Variants in DLGAP5 observed in about 807,000 individuals in gnomAD.
The protein encoded by DLGAP5 is DLG associated protein 5, also known as disks large-associated protein 5.
In DLGAP5, 90 loss-of-function variants were observed where a neutral mutation model predicts 99.6. The ratio of observed to expected loss-of-function variants is 0.90; its 90% CI spans 0.76 to 1.08. The LOEUF (loss-of-function observed/expected upper bound fraction) is 1.08, where lower values mean the gene tolerates loss of function less well. Ranked by LOEUF, DLGAP5 falls within the 50% of genes least tolerant of loss-of-function variation. The probability of loss-of-function intolerance (pLI) is 0.00; values close to 1 mark genes in which losing one functional copy is unlikely to be tolerated. For synonymous variants in DLGAP5, 311 were observed against 321.3 expected (o/e 0.97, Z 0.34); for missense variants, 1,036 against 983.5 (o/e 1.05, Z -0.71).
intron 18 of DLGAP5, 72 bp downstream of exon 18, chr14:55,150,727 A>T (rs1881985665): frequency 8.5e-7 from 1 of 1,169,612 alleles, no homozygotes. Context: ...CTTGTACACA[A>T]ATAGAAAAGC....
intron 12 of DLGAP5, among the ~76,000 whole-genome samples, chr14:55,166,811 G>T (rs576306149): frequency 7.8e-4 from 117 of 150,740 alleles, no homozygotes; most frequent in African/African-American, 2.8e-3. Flanking sequence ...AAAAATGATT[G>T]AACTGTACAT....
chr14:55,178,785 G>A (rs867621060), intron 7 of DLGAP5, among the ~76,000 whole-genome samples: 2 of 152,142 alleles, frequency 1.3e-5, no homozygotes, highest in Non-Finnish European at 2.9e-5. Flanking sequence ...GGTGGCTCAC[G>A]CCTGTAATCC....
Position 55,158,406 on chromosome 14 carries a change from T to A in DLGAP5, c.1873+116A>T, listed in dbSNP as rs545178100. ...TTTCTAAAAATCACAGAAAAACTTATGTCTCTTCATGTAAAAAACTATTTT... is the reference window on the plus strand; with the variant it reads ...TTTCTAAAAATCACAGAAAAACTTAAGTCTCTTCATGTAAAAAACTATTTT... On this transcript the variant is annotated intron_variant, in intron 14 of 18. Transcript: ENST00000247191. 6.2e-5 allele frequency: 49 copies of A among 796,636 alleles called. No homozygotes were observed. The East Asian group carries it at 1.2e-3, about 19-fold the overall frequency. 49.3% of individuals were successfully genotyped at this position (796,636 alleles called of 1,614,324 possible). A position where few individuals can be genotyped will look rare whatever the true frequency, so the allele number is the denominator to read the frequency against.
intron 10 of DLGAP5, among the ~76,000 whole-genome samples, chr14:55,174,583 T>C (rs964525155): frequency 5.9e-5 from 9 of 152,102 alleles, no homozygotes; most frequent in Non-Finnish European, 8.8e-5. Context: ...AGCTTTAAAA[T>C]TTCTTTTTGT....
intron 9 of DLGAP5, 131 bp downstream of exon 9, chr14:55,175,763 A>G (rs1217067989): frequency 3.7e-6 from 3 of 818,700 alleles, no homozygotes; most frequent in Non-Finnish European, 5.4e-6. Context: ...TGATATGGTG[A>G]AAAAGAGCTC....
intron 14 of DLGAP5, 98 bp downstream of exon 14, chr14:55,158,424 A>T: frequency 1.0e-6 from 1 of 984,366 alleles, no homozygotes; most frequent in Non-Finnish European, 1.5e-6. Flanking sequence ...CATGTAAAAA[A>T]CTATTTTTCA....
At chr14:55,171,398 T>A (rs976315703) in intron 10 of DLGAP5, among the ~76,000 whole-genome samples, 2 of 152,166 alleles carry the variant, frequency 1.3e-5, no homozygotes, top group African/African-American at 2.4e-5. Context: ...ACAACAAGTA[T>A]ACAATCTAAA....
Position 55,169,435 on chromosome 14 carries a change from T to C in DLGAP5, c.1512A>G (p.Thr504=), listed in dbSNP as rs774858541. ...YKRGIKETTC[T]DLDGFWDMVS... ...CCATATCCCAAAATCCATCCAGATC[T>C]GTACAGGTAGTCTCCTTTATACCTC... The change falls in exon 12 of 19, where the codon ACA becomes ACG. Residue 504 remains threonine, a synonymous_variant. Transcript: ENST00000247191. 6.3e-7 allele frequency: 1 copy of C among 1,591,618 alleles called. No homozygotes were observed. The highest frequency in any genetic ancestry group is 1.2e-5 in the South Asian group (1 of 86,448).
intron 10 of DLGAP5, among the ~76,000 whole-genome samples, chr14:55,174,085 G>A (rs1469207943): frequency 6.6e-6 from 1 of 152,206 alleles, no homozygotes; most frequent in African/African-American, 2.4e-5. Context: ...AAAGCAAATG[G>A]GAGAAATATC....
chr14:55,177,427 A>C (rs1566505512), intron 7 of DLGAP5, 91 bp from the exon 8 acceptor site: 1 of 1,190,784 alleles, frequency 8.4e-7, no homozygotes, highest in Non-Finnish European at 1.2e-6. Context: ...ATGACAACAG[A>C]AATATATGTT....
intron 14 of DLGAP5, among the ~76,000 whole-genome samples, chr14:55,157,972 AG>A (rs1336231097): frequency 9.2e-5 from 14 of 152,192 alleles, no homozygotes. Flanking sequence ...TAAATTGCCC[AG>A]GCTGGTCTCA....
At chr14:55,156,461 T>C (rs1882220449) in intron 14 of DLGAP5, among the ~76,000 whole-genome samples, 1 of 152,220 alleles carries the variant, frequency 6.6e-6, no homozygotes, top group Non-Finnish European at 1.5e-5. Context: ...GCCAGAATGA[T>C]ACCTTCCAGG....
intron 12 of DLGAP5, among the ~76,000 whole-genome samples, chr14:55,165,569 C>T (rs887994042): frequency 2.0e-5 from 3 of 151,968 alleles, no homozygotes; most frequent in East Asian, 1.9e-4. Flanking sequence ...AATGAGATAC[C>T]TCATACCCAC....
intron 1 of DLGAP5, among the ~76,000 whole-genome samples, chr14:55,190,299 C>T (rs1029095769): frequency 1.3e-5 from 2 of 151,830 alleles, no homozygotes; most frequent in African/African-American, 4.8e-5. Flanking sequence ...TACACACACA[C>T]ACACACACAC....
At chr14:55,190,992 T>C (rs1883597177) in intron 1 of DLGAP5, 1 of 152,212 alleles carries the variant, frequency 6.6e-6, no homozygotes, top group South Asian at 2.1e-4. Flanking sequence ...ATGAGGTCAA[T>C]TAACTGCTCA....
At chr14:55,189,566 TC>T (rs1883540513) in intron 1 of DLGAP5, among the ~76,000 whole-genome samples, 1 of 152,044 alleles carries the variant, frequency 6.6e-6, no homozygotes, top group African/African-American at 2.4e-5. Context: ...GTCTAACATT[TC>T]TTCTAAAGCC....
intron 1 of DLGAP5, among the ~76,000 whole-genome samples, chr14:55,190,319 C>T (rs987649618): frequency 1.3e-5 from 2 of 151,920 alleles, no homozygotes; most frequent in Non-Finnish European, 2.9e-5. Flanking sequence ...CACACACGCA[C>T]AAAATCATAT....
intron 8 of DLGAP5, among the ~76,000 whole-genome samples, chr14:55,176,630 T>C (rs1022023094): frequency 2.0e-5 from 3 of 152,034 alleles, no homozygotes; most frequent in Non-Finnish European, 2.9e-5. Flanking sequence ...ATTGCATGAT[T>C]CCTAATTAAC....
chr14:55,156,606 G>A (rs1244667278), intron 14 of DLGAP5, among the ~76,000 whole-genome samples: 1 of 152,194 alleles, frequency 6.6e-6, no homozygotes, highest in Non-Finnish European at 1.5e-5. Context: ...CTACCCATGT[G>A]CAGAGAGTTT....
Sources: gnomAD v4.1 joint callset for allele counts (sites outside exome capture counted in the v4.1 genomes callset) on GRCh38, gnomAD v4.1.1 for gene constraint, MANE v1.5 for transcripts, NCBI Gene and HGNC (gene_info 2026-07-23, HGNC 2026-07-21) for gene names.